The following FAM229B variants were observed in gnomAD, a reference collection of about 807,000 sequenced individuals.
The protein encoded by FAM229B is family with sequence similarity 229 member B.
Under a neutral mutation model 6.7 loss-of-function variants are expected in FAM229B, and 2 were observed. The observed-to-expected ratio is 0.30, with a 90% CI of 0.12 to 0.94. The LOEUF is 0.94. Ranked by LOEUF, FAM229B falls within the 40% of genes least tolerant of loss-of-function variation. The probability of loss-of-function intolerance (pLI) is 0.54; values close to 1 mark genes in which losing one functional copy is unlikely to be tolerated. For missense variants in FAM229B, 93 were observed against 96.2 expected, an observed-to-expected ratio of 0.97 and a Z score of 0.14; for synonymous variants, 29 against 34.0, an observed-to-expected ratio of 0.85 and a Z score of 0.51.
intron 1 of FAM229B, among the ~76,000 whole-genome samples, chr6:112,095,967 T>G (rs1327298015): frequency 1.3e-5 from 2 of 152,222 alleles, no homozygotes; most frequent in Non-Finnish European, 2.9e-5. Context: ...TTAATTCTTA[T>G]GTAAAATGCC....
intron 2 of FAM229B, among the ~76,000 whole-genome samples, chr6:112,097,773 T>A (rs782424618): frequency 6.6e-6 from 1 of 152,234 alleles, no homozygotes; most frequent in Non-Finnish European, 1.5e-5. Context: ...AATAGTTGAA[T>A]ACATGCAAGT....
At chr6:112,093,804 G>A (rs1039879896) in intron 1 of FAM229B, among the ~76,000 whole-genome samples, 4 of 151,682 alleles carry the variant, frequency 2.6e-5, no homozygotes, top group African/African-American at 9.7e-5. Context: ...ATTTACCAAG[G>A]CAGTTTATAT....
intron 1 of FAM229B, among the ~76,000 whole-genome samples, chr6:112,092,668 A>C (rs144018835): frequency 6.1e-4 from 93 of 152,186 alleles, no homozygotes; most frequent in African/African-American, 2.2e-3. Flanking sequence ...TTTAAAGACA[A>C]TTGCTTAAAG....
At position 112,102,682 on chromosome 6, in the gene FAM229B, C is replaced by G. The variant is rs1554319415; in HGVS notation, c.*1895C>G. 1 of 152,012 alleles carries G rather than the reference C, an allele frequency of 6.6e-6. No homozygotes were observed. Among genetic ancestry groups the G allele is most frequent in the East Asian group, 1.9e-4 (1 of 5,190 alleles). 9.4% of individuals were successfully genotyped at this position (152,012 alleles called of 1,614,324 possible). On this transcript the variant is annotated 3_prime_UTR_variant, in exon 4 of 4. Coordinates refer to ENST00000368656, the MANE Select transcript of FAM229B (RefSeq NM_001033564.3). Reference sequence around the variant, plus strand: ...GAAGACTACTCTGGACTTGCCCTAACAGAGTTTAAGAGCAACATTTGAAAG... The same window carrying G: ...GAAGACTACTCTGGACTTGCCCTAAGAGAGTTTAAGAGCAACATTTGAAAG...
At chr6:112,100,636 T>G (rs1487852766) in intron 3 of FAM229B, 34 bp from the exon 4 acceptor site, 2 of 1,398,158 alleles carry the variant, frequency 1.4e-6, no homozygotes, top group African/African-American at 2.8e-5. Context: ...CTCTTTTTAG[T>G]ATCTAACTAC....
Position 112,095,115 on chromosome 6 carries a change from T to C in FAM229B, c.-175-1926T>C, listed in dbSNP as rs904518405. Among the ~76,000 whole-genome samples the C allele has an allele frequency of 3.9e-5, 6 of 152,164 alleles. No homozygotes were observed. The South Asian group carries it at 6.2e-4, about 16-fold the overall frequency. On this transcript the variant is annotated intron_variant, in intron 1 of 3. Coordinates refer to ENST00000368656, the MANE Select transcript of FAM229B (RefSeq NM_001033564.3). ...AGATATTTTACTTCATATATATCCA[T>C]GACTAAAAGGTGAAATCAGTGTCTC...
rs979263044 is a variant in FAM229B at position 112,101,576 on chromosome 6, C to G, written c.*789C>G. On this transcript the variant is annotated 3_prime_UTR_variant, in exon 4 of 4. Coordinates refer to ENST00000368656, the MANE Select transcript of FAM229B (RefSeq NM_001033564.3). ...CACTTTTGAGGATGAGGCCAGCTCT[C>G]TATGTTCTCTTTTTCTTCTTGCAGT... 1.3e-5 allele frequency: 2 copies of G among 151,936 alleles called. No individual in the cohort carries two copies. Among genetic ancestry groups the G allele is most frequent in the Non-Finnish European group, 2.9e-5 (2 of 67,990 alleles). The allele number at this position is 151,936 out of a possible 1,614,324, so 9.4% of individuals were successfully genotyped here. A position where few individuals can be genotyped will look rare whatever the true frequency, so the allele number is the denominator to read the frequency against.
chr6:112,092,095 T>C (rs915395029), intron 1 of FAM229B, among the ~76,000 whole-genome samples: 4 of 152,070 alleles, frequency 2.6e-5, no homozygotes, highest in African/African-American at 9.7e-5. Flanking sequence ...CTTTCAACAG[T>C]GTAATATACA....
intron 1 of FAM229B, among the ~76,000 whole-genome samples, chr6:112,094,757 T>A (rs1219806688): frequency 6.6e-6 from 1 of 152,236 alleles, no homozygotes; most frequent in Non-Finnish European, 1.5e-5. Context: ...CATGACAAGT[T>A]CAAATATCAC....
At chr6:112,099,166 A>G (rs1296416766) in intron 2 of FAM229B, 104 bp from the exon 3 acceptor site, 1 of 1,011,456 alleles carries the variant, frequency 9.9e-7, no homozygotes, top group African/African-American at 1.6e-5. Context: ...TGAGACTCTG[A>G]CTCTTTAAAA....
At position 112,101,155 on chromosome 6, in the gene FAM229B, G is replaced by C. The variant is rs1262965268; in HGVS notation, c.*368G>C. 1 of 168,798 alleles carries C rather than the reference G, an allele frequency of 5.9e-6. No individual in the cohort carries two copies. The highest frequency in any genetic ancestry group is 1.3e-5 in the Non-Finnish European group (1 of 78,990). 10.5% of individuals were successfully genotyped at this position (168,798 alleles called of 1,614,324 possible). A position where few individuals can be genotyped will look rare whatever the true frequency, so the allele number is the denominator to read the frequency against. ...TAAGCTCATTTCCTTGTTCATATTT[G>C]GGTTGCTACTTGGCTAAATCCTTTC... On this transcript the variant is annotated 3_prime_UTR_variant, in exon 4 of 4. Coordinates refer to ENST00000368656, the MANE Select transcript of FAM229B (RefSeq NM_001033564.3).
At chr6:112,088,468 CTTTG>C (rs1201883540) in intron 1 of FAM229B, among the ~76,000 whole-genome samples, 1 of 152,044 alleles carries the variant, frequency 6.6e-6, no homozygotes, top group Non-Finnish European at 1.5e-5. Context: ...AAGAAGTCTT[CTTTG>C]TTTAATAAAA....
intron 1 of FAM229B, among the ~76,000 whole-genome samples, chr6:112,091,881 A>G (rs1218423862): frequency 8.7e-5 from 8 of 92,274 alleles, no homozygotes; most frequent in Admixed American, 2.1e-4. Flanking sequence ...GGACAAAGAA[A>G]TATGAAAAAG....
intron 3 of FAM229B, among the ~76,000 whole-genome samples, chr6:112,100,094 T>C (rs1777376643): frequency 1.3e-5 from 2 of 152,228 alleles, no homozygotes; most frequent in Non-Finnish European, 2.9e-5. Context: ...TGGGAAGTAG[T>C]GAGCTCCCGA....
chr6:112,090,438 C>T (rs1554318063), intron 1 of FAM229B, among the ~76,000 whole-genome samples: 1 of 152,186 alleles, frequency 6.6e-6, no homozygotes, highest in African/African-American at 2.4e-5. Flanking sequence ...CTTTCCACAA[C>T]AGTTTCCTTG....
At chr6:112,096,567 C>A (rs935673322) in intron 1 of FAM229B, among the ~76,000 whole-genome samples, 14 of 151,462 alleles carry the variant, frequency 9.2e-5, no homozygotes, top group Non-Finnish European at 2.1e-4. Context: ...ACAACAACAA[C>A]AAAAAAGATG....
At chr6:112,090,536 A>G (rs990003453) in intron 1 of FAM229B, among the ~76,000 whole-genome samples, 1 of 151,706 alleles carries the variant, frequency 6.6e-6, no homozygotes, top group Non-Finnish European at 1.5e-5. Context: ...AAGTCTGTAT[A>G]CATCAGCATA....
rs920532392 is a variant in FAM229B, at chr6:112,098,994, G to C, written c.-14-276G>C. ...GTTTCTGTATGTCTATAACAAAATA[G>C]TAATATTAAAAATTCCAAGGGCAGG... On this transcript the variant is annotated intron_variant, in intron 2 of 3. Transcript: ENST00000368656. 1.3e-5 allele frequency among the ~76,000 whole-genome samples: 2 copies of C among 152,230 alleles called. 1 individual carries two copies. Among genetic ancestry groups the C allele is most frequent in the Middle Eastern group, 6.8e-3 (2 of 294 alleles).
At chr6:112,088,968 C>G (rs1777218860) in intron 1 of FAM229B, among the ~76,000 whole-genome samples, 1 of 152,156 alleles carries the variant, frequency 6.6e-6, no homozygotes, top group South Asian at 2.1e-4. Context: ...TCTAGAGAAT[C>G]AGACTGAGAG....
Sources: gnomAD v4.1 joint callset for allele counts (sites outside exome capture counted in the v4.1 genomes callset) on GRCh38, gnomAD v4.1.1 for gene constraint, MANE v1.5 for transcripts, NCBI Gene and HGNC (gene_info 2026-07-23, HGNC 2026-07-21) for gene names.